The following TSNAX variants were observed in gnomAD, a reference collection of about 807,000 sequenced individuals.
TSNAX encodes the protein translin-associated protein X.
A neutral mutation model predicts 33.0 loss-of-function variants in TSNAX; 12 were observed. The observed-to-expected ratio is 0.36, with a 90% CI of 0.23 to 0.59. The LOEUF is 0.59. Ranked by LOEUF, TSNAX falls within the 20% of genes least tolerant of loss-of-function variation. The pLI is 0.74. For synonymous variants in TSNAX, 110 were observed against 117.2 expected, an observed-to-expected ratio of 0.94 and a Z score of 0.40; for missense variants, 267 against 341.3, an observed-to-expected ratio of 0.78 and a Z score of 1.72.
In TSNAX at chr1:231,537,342, T is replaced by G; in HGVS notation, c.236+15T>G. ...AGGATTACAAGGTGAGTAAGCATCT[T>G]TAGAATTTATTACAGTTTGATACTA... On this transcript the variant is annotated intron_variant, in intron 3 of 5. Transcript: ENST00000366639. 1 of 1,514,622 alleles carries G rather than the reference T, an allele frequency of 6.6e-7. No homozygotes were observed. The highest frequency in any genetic ancestry group is 9.1e-7 in the Non-Finnish European group (1 of 1,096,592). The allele number at this position is 1,514,622 out of a possible 1,614,324, so 93.8% of individuals were successfully genotyped here. A position where few individuals can be genotyped will look rare whatever the true frequency, so the allele number is the denominator to read the frequency against.
intron 4 of TSNAX, among the ~76,000 whole-genome samples, chr1:231,549,879 C>T (rs746042967): frequency 3.3e-5 from 5 of 152,162 alleles, no homozygotes; most frequent in Admixed American, 6.5e-5. Context: ...GACTGGGTGG[C>T]TTAAACAGAA....
At chr1:231,532,799 T>C (rs1225721742) in intron 2 of TSNAX, among the ~76,000 whole-genome samples, 1 of 152,176 alleles carries the variant, frequency 6.6e-6, no homozygotes, top group African/African-American at 2.4e-5. Flanking sequence ...ATATTTTAGT[T>C]GAGCCTTTTT....
At chr1:231,540,213 T>C (rs201767357) in intron 3 of TSNAX, among the ~76,000 whole-genome samples, 2 of 140,272 alleles carry the variant, frequency 1.4e-5, no homozygotes. Flanking sequence ...ATGAAAGAAA[T>C]GAGCCAGTCA....
intron 4 of TSNAX, among the ~76,000 whole-genome samples, chr1:231,551,825 A>G (rs896521999): frequency 2.6e-5 from 4 of 151,424 alleles, no homozygotes; most frequent in African/African-American, 9.7e-5. Context: ...AAGTAAATAA[A>G]TAAAAATAAA....
intron 4 of TSNAX, among the ~76,000 whole-genome samples, chr1:231,558,403 A>G (rs1281616329): frequency 6.6e-6 from 1 of 152,196 alleles, no homozygotes; most frequent in Non-Finnish European, 1.5e-5. Flanking sequence ...AAAGCTTAAT[A>G]TATTGCCAGC....
At chr1:231,561,088 A>G (rs1300574804) in intron 4 of TSNAX, 40 bp from the exon 5 acceptor site, 16 of 1,585,530 alleles carry the variant, frequency 1.0e-5, no homozygotes, top group Non-Finnish European at 1.3e-5. Context: ...CTTACTAATT[A>G]AGTGCTTATT....
intron 4 of TSNAX, 22 bp from the exon 5 acceptor site, chr1:231,561,106 A>T (rs549238358): frequency 1.9e-6 from 3 of 1,600,860 alleles, no homozygotes; most frequent in Non-Finnish European, 1.7e-6. Context: ...ATTCTTAGTA[A>T]TTTTCTTTGT....
chr1:231,543,973 G>GA (rs1404250845), intron 4 of TSNAX, among the ~76,000 whole-genome samples: 25 of 152,312 alleles, frequency 1.6e-4, no homozygotes, highest in African/African-American at 5.8e-4. Context: ...CTGGTGGGAA[G>GA]AAGGGTGAAG....
At chr1:231,557,358 C>T (rs1558135370) in intron 4 of TSNAX, among the ~76,000 whole-genome samples, 1 of 152,124 alleles carries the variant, frequency 6.6e-6, no homozygotes, top group Non-Finnish European at 1.5e-5. Context: ...CAAAGGAAAA[C>T]TTGTTCAAAG....
intron 2 of TSNAX, among the ~76,000 whole-genome samples, chr1:231,532,327 G>C (rs1031874682): frequency 1.3e-5 from 2 of 151,684 alleles, no homozygotes; most frequent in African/African-American, 4.9e-5. Flanking sequence ...AAGTAGCTGG[G>C]ACTACAGGCA....
intron 3 of TSNAX, among the ~76,000 whole-genome samples, chr1:231,538,729 C>T (rs545775609): frequency 2.6e-5 from 4 of 152,050 alleles, no homozygotes; most frequent in African/African-American, 4.8e-5. Context: ...CATGGTGGCT[C>T]ACACCTGTAT....
chr1:231,530,960 GTT>G (rs71179783), intron 2 of TSNAX, among the ~76,000 whole-genome samples: 18 of 139,228 alleles, frequency 1.3e-4, no homozygotes, highest in Admixed American at 4.3e-4. Flanking sequence ...CAGTTTTTTG[GTT>G]TTTTTTTTTT....
At chr1:231,555,235 A>C (rs1277017643) in intron 4 of TSNAX, among the ~76,000 whole-genome samples, 1 of 152,236 alleles carries the variant, frequency 6.6e-6, no homozygotes, top group African/African-American at 2.4e-5. Flanking sequence ...CTTAAACAGG[A>C]AATTCTGACA....
chr1:231,541,554 T>A (rs1659575157), intron 3 of TSNAX, among the ~76,000 whole-genome samples: 1 of 152,072 alleles, frequency 6.6e-6, no homozygotes, highest in Non-Finnish European at 1.5e-5. Context: ...CACAATATGT[T>A]ATGATTTTTA....
At chr1:231,537,737 T>A (rs1168188600) in intron 3 of TSNAX, among the ~76,000 whole-genome samples, 1 of 137,448 alleles carries the variant, frequency 7.3e-6, no homozygotes, top group Non-Finnish European at 1.5e-5. Flanking sequence ...CCAGACCCTG[T>A]CTCAAAAAAA....
chr1:231,530,161 T>A (rs952650279), intron 2 of TSNAX, among the ~76,000 whole-genome samples: 1 of 152,312 alleles, frequency 6.6e-6, no homozygotes, highest in Non-Finnish European at 1.5e-5. Flanking sequence ...GAAACCACAA[T>A]CTCTATGTCC....
chr1:231,533,068 CTTT>C (rs746007509), intron 2 of TSNAX, among the ~76,000 whole-genome samples: 3 of 136,398 alleles, frequency 2.2e-5, no homozygotes, highest in African/African-American at 2.7e-5. Flanking sequence ...CATGGGAAGT[CTTT>C]TTTTTTTTTT....
chr1:231,532,186 A>ACACACACT (rs56906748), intron 2 of TSNAX, among the ~76,000 whole-genome samples: 1 of 115,962 alleles, frequency 8.6e-6, no homozygotes, highest in African/African-American at 3.4e-5. Flanking sequence ...ACACACACAC[A>ACACACACT]GTTTTGGTTT....
intron 1 of TSNAX, 114 bp downstream of exon 1, chr1:231,528,940 CG>C (rs1658453896): frequency 1.4e-6 from 2 of 1,386,414 alleles, no homozygotes; most frequent in Admixed American, 1.9e-5. Context: ...CTTGTAGACT[CG>C]GGGGCGGCCC....
Sources: allele counts gnomAD v4.1 joint callset (sites outside exome capture counted in the v4.1 genomes callset), GRCh38; gene constraint gnomAD v4.1.1; transcripts MANE v1.5; gene names NCBI Gene and HGNC (gene_info 2026-07-23, HGNC 2026-07-21).